The following BRCA1 variants were observed in gnomAD, a reference collection of about 807,000 sequenced individuals.
BRCA1 encodes BRCA1 DNA repair associated.
A neutral mutation model predicts 173.7 loss-of-function variants in BRCA1; 140 were observed. The observed-to-expected ratio is 0.81, with a 90% CI of 0.70 to 0.93. The LOEUF (loss-of-function observed/expected upper bound fraction) is 0.93, where lower values mean the gene tolerates loss of function less well. Ranked by LOEUF, BRCA1 falls within the 40% of genes least tolerant of loss-of-function variation. BRCA1 has a pLI of 0.00. For missense variants in BRCA1, 1,983 were observed against 2,172.5 expected (o/e 0.91, Z 1.73); for synonymous variants, 662 against 756.0 (o/e 0.88, Z 2.04).
chr17:43,153,557 C>A (rs1350422158), intron 1 of BRCA1: 2 of 151,968 alleles, frequency 1.3e-5, no homozygotes, highest in African/African-American at 4.8e-5. Flanking sequence ...ACAGATCTCC[C>A]CCACCCCACC....
Position 43,099,854 on chromosome 17 carries a change from G to C in BRCA1, c.468C>G (p.Leu156=), listed in dbSNP as rs748923729. The change falls in exon 7 of 23, where the codon CTC becomes CTG. Residue 156 remains leucine (L), a synonymous_variant. Transcript: ENST00000357654. ...SLQETSLSVQ[L]SNLGTVRTLR... is the part of the protein sequence containing the mutation. ...GAGTTCTCACAGTTCCAAGGTTAGA[G>C]AGTTGGACACTGAGACTGGTTTCCT... The C allele has an allele frequency of 5.0e-6, 8 of 1,613,606 alleles. No individual in the cohort carries two copies. The highest frequency in any genetic ancestry group is 5.9e-6 in the Non-Finnish European group (7 of 1,179,516).
rs886040272 is a variant in BRCA1 at position 43,063,895 on chromosome 17, T to G, written c.5131A>C (p.Lys1711Gln). 6.2e-7 allele frequency: 1 copy of G among 1,613,902 alleles called. No homozygotes were observed. Among genetic ancestry groups the G allele is most frequent in the Non-Finnish European group, 8.5e-7 (1 of 1,179,906 alleles). Reference protein sequence around the residue: ...LKYFLGIAGGKWVVSYFWVTQ... With the variant: ...LKYFLGIAGGQWVVSYFWVTQ... ...TTACAGAAATAGCTAACTACCCATT[T>G]TCCTCCCGCAATTCCTAGAAAATAT... Residue 1711 changes from lysine to glutamine, a missense_variant, in exon 17 of 23, where the codon AAA (lysine) becomes CAA (glutamine). Lys to Gln is a moderately conservative substitution (Grantham distance 53). Transcript: ENST00000357654.
chr17:43,050,538 G>A (rs543566267), intron 20 of BRCA1, among the ~76,000 whole-genome samples: 7 of 151,340 alleles, frequency 4.6e-5, no homozygotes, highest in East Asian at 3.9e-4. Flanking sequence ...ACTTGAACCC[G>A]GGAGGTGGAG....
intron 2 of BRCA1, chr17:43,119,112 A>G (rs140106612): frequency 2.8e-5 from 6 of 214,216 alleles, no homozygotes; most frequent in African/African-American, 1.4e-4. Context: ...ATATCAAAGA[A>G]CGACTAACCT....
intron 8 of BRCA1, 75 bp downstream of exon 8, chr17:43,097,169 A>C: frequency 7.2e-7 from 1 of 1,397,230 alleles, no homozygotes; most frequent in African/African-American, 1.4e-5. Flanking sequence ...TTTTAAAAAG[A>C]GAGAAACATC....
chr17:43,112,812 T>G (rs914685928), intron 3 of BRCA1, among the ~76,000 whole-genome samples: 5 of 151,926 alleles, frequency 3.3e-5, no homozygotes, highest in East Asian at 1.9e-4. Flanking sequence ...TTTTGTTGTT[T>G]TTTTTTTTTG....
chr17:43,128,702 T>C (rs2055938239), upstream of BRCA1, among the ~76,000 whole-genome samples: 1 of 152,136 alleles, frequency 6.6e-6, no homozygotes, highest in Non-Finnish European at 1.5e-5. Flanking sequence ...CATATATCCT[T>C]CTCATCCCAT....
At chr17:43,116,977 T>C (rs1381062055) in intron 2 of BRCA1, among the ~76,000 whole-genome samples, 1 of 152,226 alleles carries the variant, frequency 6.6e-6, no homozygotes, top group East Asian at 1.9e-4. Flanking sequence ...CCTTATTTCC[T>C]ATAAACTAGA....
At chr17:43,104,802 T>TGAC (rs2054665691) in intron 5 of BRCA1, 66 bp downstream of exon 5, 1 of 1,362,698 alleles carries the variant, frequency 7.3e-7, no homozygotes, top group Non-Finnish European at 1.1e-6. Context: ...AGAAAGTAAT[T>TGAC]GTGCAAACTT....
intron 1 of BRCA1, among the ~76,000 whole-genome samples, chr17:43,169,312 G>C (rs1209429712): frequency 1.3e-5 from 2 of 152,146 alleles, no homozygotes; most frequent in Non-Finnish European, 2.9e-5. Context: ...TGAGTAGCTG[G>C]CGCGCGCCAC....
chr17:43,164,881 C>T (rs1198033097), intron 1 of BRCA1: 1 of 152,168 alleles, frequency 6.6e-6, no homozygotes, highest in Non-Finnish European at 1.5e-5. Flanking sequence ...ATAAACCAAG[C>T]ATATAATTCT....
chr17:43,139,791 G>A (rs1472395680), intron 1 of BRCA1: 2 of 454,268 alleles, frequency 4.4e-6, no homozygotes, highest in Admixed American at 4.8e-5. Flanking sequence ...AACGTGTGGT[G>A]TTTGGTTTTC....
chr17:43,077,843 C>T (rs1035375282), intron 12 of BRCA1, among the ~76,000 whole-genome samples: 5 of 152,016 alleles, frequency 3.3e-5, no homozygotes, highest in African/African-American at 1.2e-4. Context: ...TCAAGCTGTT[C>T]TCCTGCCTCA....
In BRCA1 at chr17:43,099,659, T is replaced by G. The variant is rs1432241814; in HGVS notation, c.547+116A>C. On this transcript the variant is annotated intron_variant, in intron 7 of 22. Coordinates refer to ENST00000357654, the MANE Select transcript of BRCA1 (RefSeq NM_007294.4). ...TAACTCACCATAGGGCTCATAAAATTCACTTCCCAAAGCTGCCTACCACAA... is the reference window on the plus strand; with the variant it reads ...TAACTCACCATAGGGCTCATAAAATGCACTTCCCAAAGCTGCCTACCACAA... 8 of 831,496 alleles carry G rather than the reference T, an allele frequency of 9.6e-6. No individual in the cohort carries two copies. In the African/African-American group the frequency reaches 1.4e-4, roughly 14 times the overall value. The allele number at this position is 831,496 out of a possible 1,614,324, so 51.5% of individuals were successfully genotyped here.
intron 1 of BRCA1, among the ~76,000 whole-genome samples, chr17:43,124,541 T>A (rs1314417497): frequency 1.3e-5 from 2 of 152,164 alleles, no homozygotes; most frequent in Non-Finnish European, 2.9e-5. Flanking sequence ...CTCTCATCTC[T>A]GGATCCTCCT....
At position 43,146,299 on chromosome 17, in the gene BRCA1, CTTTTTTTTTTTTT is replaced by C. The variant is rs774223347; in HGVS notation, c.-19-22197_-19-22185del. Among the ~76,000 whole-genome samples the C allele has an allele frequency of 4.7e-4, 36 of 76,114 alleles. 1 individual carries two copies. Among genetic ancestry groups the C allele is most frequent in the African/African-American group, 2.1e-3 (35 of 16,354 alleles). 49.9% of individuals were successfully genotyped at this position (76,114 alleles called of 152,430 possible). A position where few individuals can be genotyped will look rare whatever the true frequency, so the allele number is the denominator to read the frequency against. On this transcript the variant is annotated intron_variant, in intron 1 of 7. Transcript: ENST00000634433. ...TACGTGGCTTTTTAGATTTTTGTTA[CTTTTTTTTTTTTT>C]TTTTTTTTTTTTTTGAGATGGAGTC...
intron 1 of BRCA1, among the ~76,000 whole-genome samples, chr17:43,133,915 G>A (rs12951842): frequency 1.3e-5 from 2 of 152,120 alleles, no homozygotes; most frequent in African/African-American, 4.8e-5. Flanking sequence ...GATTACAGGC[G>A]TGAGCCACCA....
intron 18 of BRCA1, among the ~76,000 whole-genome samples, chr17:43,062,450 G>T (rs1445204635): frequency 2.0e-5 from 3 of 152,102 alleles, no homozygotes; most frequent in Non-Finnish European, 4.4e-5. Flanking sequence ...TTCTACAAAG[G>T]TATATGCAAG....
intron 1 of BRCA1, among the ~76,000 whole-genome samples, chr17:43,152,571 T>C (rs2056168972): frequency 6.7e-6 from 1 of 149,064 alleles, no homozygotes; most frequent in African/African-American, 2.5e-5. Context: ...ATACAAAAAA[T>C]TGGCTGGGCG....
Sources: allele counts gnomAD v4.1 joint callset (sites outside exome capture counted in the v4.1 genomes callset), GRCh38; gene constraint gnomAD v4.1.1; transcripts MANE v1.5; gene names NCBI Gene and HGNC (gene_info 2026-07-23, HGNC 2026-07-21).